The following ARHGAP42 variants were observed in gnomAD, a reference collection of about 807,000 sequenced individuals.
ARHGAP42 encodes rho GTPase-activating protein 42.
ARHGAP42 carries 63 observed loss-of-function variants against 125.0 expected under a neutral mutation model. The ratio of observed to expected loss-of-function variants is 0.50; its 90% CI spans 0.41 to 0.62. The LOEUF (loss-of-function observed/expected upper bound fraction) is 0.62. Ranked by LOEUF, ARHGAP42 falls within the 20% of genes least tolerant of loss-of-function variation. The pLI is 0.00. For synonymous variants in ARHGAP42, 339 were observed against 351.0 expected (o/e 0.97, Z 0.38); for missense variants, 766 against 1,024.2 (o/e 0.75, Z 3.44).
intron 3 of ARHGAP42, among the ~76,000 whole-genome samples, chr11:100,820,913 CT>C (rs199943651): frequency 1.6e-4 from 23 of 141,432 alleles, no homozygotes; most frequent in Middle Eastern, 3.7e-3. Context: ...TAAGATAAAA[CT>C]TTTTTTTTTT....
chr11:100,865,840 G>A (rs971397604), intron 4 of ARHGAP42, among the ~76,000 whole-genome samples: 8 of 152,198 alleles, frequency 5.3e-5, no homozygotes, highest in Middle Eastern at 3.4e-3. Flanking sequence ...ATCTTGCCTC[G>A]ATGTTGATAG....
intron 6 of ARHGAP42, among the ~76,000 whole-genome samples, chr11:100,930,179 G>T (rs1299262038): frequency 6.6e-6 from 1 of 152,150 alleles, no homozygotes; most frequent in Non-Finnish European, 1.5e-5. Flanking sequence ...AGGGTAAACT[G>T]AAACCATAGT....
chr11:100,969,145 G>A (rs658497), intron 17 of ARHGAP42, among the ~76,000 whole-genome samples: 42,848 of 151,856 alleles, frequency 0.28, 7,173 homozygotes, highest in East Asian at 0.74. Context: ...TTCTTAGTTG[G>A]CAGACTTTTT....
chr11:100,856,840 T>C (rs1042116758), intron 3 of ARHGAP42, among the ~76,000 whole-genome samples: 3 of 152,218 alleles, frequency 2.0e-5, no homozygotes, highest in African/African-American at 7.2e-5. Context: ...GCCAAATCTA[T>C]GCTAGTGATT....
intron 1 of ARHGAP42, among the ~76,000 whole-genome samples, chr11:100,700,864 T>G (rs1011519151): frequency 6.6e-6 from 1 of 152,236 alleles, no homozygotes; most frequent in Non-Finnish European, 1.5e-5. Context: ...TTACCAATGT[T>G]CTCAATGATA....
At chr11:100,813,698 A>G (rs773075528) in intron 3 of ARHGAP42, among the ~76,000 whole-genome samples, 1 of 152,186 alleles carries the variant, frequency 6.6e-6, no homozygotes, top group Non-Finnish European at 1.5e-5. Context: ...TGCTCTTGTA[A>G]GTAGACTTAA....
At chr11:100,833,924 TA>T (rs1307236460) in intron 3 of ARHGAP42, among the ~76,000 whole-genome samples, 1 of 152,174 alleles carries the variant, frequency 6.6e-6, no homozygotes, top group African/African-American at 2.4e-5. Context: ...TAAAAATTTT[TA>T]AATATCATTA....
In ARHGAP42 at chr11:100,956,746, A is replaced by G. The variant is rs193009808; in HGVS notation, c.1163-3137A>G. Among the ~76,000 whole-genome samples, 163 of 152,278 alleles carry G rather than the reference A, an allele frequency of 1.1e-3. 1 individual carries two copies. The highest frequency in any genetic ancestry group is 6.8e-3 in the Middle Eastern group (2 of 294). On this transcript the variant is annotated intron_variant, in intron 12 of 23. Transcript: ENST00000298815. Reference sequence around the variant, plus strand: ...ACATAGGGACATTTCTTAATATCCAACTTACTATTTTTTCAGTGACTAGGT... The same window carrying G: ...ACATAGGGACATTTCTTAATATCCAGCTTACTATTTTTTCAGTGACTAGGT...
At chr11:100,816,672 CAGTT>C (rs981198084) in intron 3 of ARHGAP42, 6 of 152,152 alleles carry the variant, frequency 3.9e-5, no homozygotes, top group African/African-American at 1.4e-4. Context: ...TAATTGGCAA[CAGTT>C]AGTTAACAAT....
At chr11:100,827,002 C>CTT (rs869260353) in intron 3 of ARHGAP42, among the ~76,000 whole-genome samples, 7,235 of 80,940 alleles carry the variant, frequency 0.089, 555 homozygotes, top group Middle Eastern at 0.12. Flanking sequence ...GCCTTACATC[C>CTT]TTTTTTTTTT....
chr11:100,987,061 AACTT>A (rs1466550918), intron 22 of ARHGAP42, among the ~76,000 whole-genome samples: 1 of 152,130 alleles, frequency 6.6e-6, no homozygotes, highest in African/African-American at 2.4e-5. Flanking sequence ...ACGCCCAATC[AACTT>A]ACTTAGCATA....
At chr11:100,699,017 A>G (rs1312524312) in intron 1 of ARHGAP42, among the ~76,000 whole-genome samples, 1 of 151,232 alleles carries the variant, frequency 6.6e-6, no homozygotes, top group East Asian at 1.9e-4. Flanking sequence ...TTTTCATTTT[A>G]TTTCTTCTTT....
intron 4 of ARHGAP42, among the ~76,000 whole-genome samples, chr11:100,884,799 G>A (rs893202887): frequency 3.9e-5 from 6 of 152,000 alleles, no homozygotes; most frequent in Non-Finnish European, 7.4e-5. Context: ...ATTCTTCTTA[G>A]GTATTCTCCT....
intron 4 of ARHGAP42, among the ~76,000 whole-genome samples, chr11:100,867,383 T>G (rs917999194): frequency 6.6e-6 from 1 of 152,262 alleles, no homozygotes; most frequent in African/African-American, 2.4e-5. Flanking sequence ...TAGCTATATC[T>G]TCTGGATAAC....
chr11:100,923,418 C>T (rs948991441), intron 6 of ARHGAP42, among the ~76,000 whole-genome samples: 2 of 152,188 alleles, frequency 1.3e-5, no homozygotes, highest in Non-Finnish European at 2.9e-5. Flanking sequence ...CCTTTCACAT[C>T]TGTATCCCTT....
intron 3 of ARHGAP42, among the ~76,000 whole-genome samples, chr11:100,849,999 A>G (rs1865163992): frequency 1.3e-5 from 2 of 152,150 alleles, no homozygotes; most frequent in African/African-American, 4.8e-5. Context: ...TCCTCCTTTA[A>G]TGATCTCTTC....
chr11:100,978,820 A>C (rs1407070755), intron 21 of ARHGAP42, among the ~76,000 whole-genome samples, 167 bp from the exon 22 acceptor site: 1 of 152,218 alleles, frequency 6.6e-6, no homozygotes, highest in African/African-American at 2.4e-5. Context: ...GGTTAGATCT[A>C]AAAATCTCAT....
intron 5 of ARHGAP42, among the ~76,000 whole-genome samples, chr11:100,915,880 A>G (rs583415): frequency 0.72 from 109,570 of 152,028 alleles, 39,680 homozygotes; most frequent in South Asian, 0.8. Flanking sequence ...CCCTCTAGGA[A>G]TCAGACCTGT....
intron 3 of ARHGAP42, among the ~76,000 whole-genome samples, chr11:100,842,743 A>G (rs1004499509): frequency 2.0e-5 from 3 of 152,178 alleles, no homozygotes; most frequent in African/African-American, 4.8e-5. Flanking sequence ...TGAAATCAAA[A>G]TAGAAATTAA....
Sources: allele counts gnomAD v4.1 joint callset (sites outside exome capture counted in the v4.1 genomes callset), GRCh38; gene constraint gnomAD v4.1.1; transcripts MANE v1.5; gene names NCBI Gene and HGNC (gene_info 2026-07-23, HGNC 2026-07-21).